The following ITPR2 variants were observed in gnomAD, a reference collection of about 807,000 sequenced individuals.
ITPR2 encodes the protein inositol 1,4,5-trisphosphate receptor type 2, also known as inositol 1,4,5-trisphosphate-gated calcium channel ITPR2.
A neutral mutation model predicts 317.1 loss-of-function variants in ITPR2; 207 were observed. That is an observed-to-expected ratio of 0.65 (90% CI 0.58 to 0.73). ITPR2 has a LOEUF of 0.73. Among genes scored for constraint, ITPR2 ranks in the 30% least tolerant of loss-of-function variants. ITPR2 has a pLI of 0.00. For missense variants in ITPR2, 2,613 were observed against 3,284.0 expected (o/e 0.80, Z 4.99); for synonymous variants, 1,156 against 1,149.1 (o/e 1.01, Z -0.12).
chr12:26,581,216 A>G (rs934493472), intron 32 of ITPR2, among the ~76,000 whole-genome samples: 2 of 152,180 alleles, frequency 1.3e-5, no homozygotes, highest in African/African-American at 2.4e-5. Context: ...ACAAATTCAT[A>G]AAAGAGAACA....
intron 45 of ITPR2, among the ~76,000 whole-genome samples, chr12:26,449,779 G>A (rs964237754): frequency 6.6e-6 from 1 of 152,080 alleles, no homozygotes; most frequent in Non-Finnish European, 1.5e-5. Context: ...AAGGTAATTG[G>A]GAGCCACACT....
At position 26,729,982 on chromosome 12, in the gene ITPR2, G is replaced by A. The variant is rs545906224; in HGVS notation, c.164-4217C>T. On this transcript the variant is annotated intron_variant, in intron 2 of 56. Coordinates refer to ENST00000381340, the MANE Select transcript of ITPR2 (RefSeq NM_002223.4). Reference sequence around the variant, plus strand: ...ATAAAAGTTTTTTAAAAAGGGGAGAGAGAGAAGTTAGGCATGCAACTGGGA... The same window carrying A: ...ATAAAAGTTTTTTAAAAAGGGGAGAAAGAGAAGTTAGGCATGCAACTGGGA... Among the ~76,000 whole-genome samples the A allele has an allele frequency of 3.3e-5, 5 of 152,142 alleles. No individual in the cohort carries two copies. In the South Asian group the frequency reaches 1.0e-3, roughly 32 times the overall value.
At position 26,413,049 on chromosome 12, in the gene ITPR2, G is replaced by C. The variant is rs995817631; in HGVS notation, c.7307-1637C>G. Among the ~76,000 whole-genome samples, 14 of 152,186 alleles carry C rather than the reference G, an allele frequency of 9.2e-5. No homozygotes were observed. In the East Asian group the frequency reaches 2.7e-3, roughly 29 times the overall value. On this transcript the variant is annotated intron_variant, in intron 51 of 56. Transcript: ENST00000381340. ...AGAAACAGAAGGGTGAGAAACAGGA[G>C]GATGGCGCTGAAAATGGGGAAGAGG...
intron 1 of ITPR2, among the ~76,000 whole-genome samples, chr12:26,806,535 T>C (rs1950641708): frequency 6.6e-6 from 1 of 152,212 alleles, no homozygotes; most frequent in South Asian, 2.1e-4. Flanking sequence ...CATTACCTTC[T>C]AGTTGAATCC....
At chr12:26,631,830 A>G (rs1451629816) in intron 22 of ITPR2, 36 bp downstream of exon 22, 1 of 1,584,784 alleles carries the variant, frequency 6.3e-7, no homozygotes, top group Non-Finnish European at 8.7e-7. Context: ...AAGCAAAATT[A>G]CATCTTTGTC....
At position 26,560,670 on chromosome 12, in the gene ITPR2, C is replaced by T. The variant is rs561008018; in HGVS notation, c.4821+1092G>A. 1.1e-3 allele frequency among the ~76,000 whole-genome samples: 164 copies of T among 152,274 alleles called. 2 individuals are homozygous for T. The highest frequency in any genetic ancestry group is 3.2e-4 in the Non-Finnish European group (22 of 68,020). The stretch of plus-strand genomic sequence containing the variant: ...AGTAACTTCTCACTAGTCCCTCTTC[C>T]TCTAGTCTCTTTTAGATAACCCTAT... On this transcript the variant is annotated intron_variant, in intron 35 of 56. Transcript: ENST00000381340.
chr12:26,546,645 T>C (rs764956274), intron 37 of ITPR2, among the ~76,000 whole-genome samples: 5 of 152,150 alleles, frequency 3.3e-5, no homozygotes, highest in Non-Finnish European at 7.4e-5. Flanking sequence ...ATCTAACTTA[T>C]AATATATTGC....
At chr12:26,608,748 C>T (rs900130078) in intron 26 of ITPR2, among the ~76,000 whole-genome samples, 1 of 150,678 alleles carries the variant, frequency 6.6e-6, no homozygotes, top group Non-Finnish European at 1.5e-5. Context: ...CTGCGCTCCC[C>T]AAGTTTGCAT....
In ITPR2 at chr12:26,823,718, G is replaced by T. The variant is rs149207444; in HGVS notation, c.92+8972C>A. Among the ~76,000 whole-genome samples, 200 of 152,250 alleles carry T rather than the reference G, an allele frequency of 1.3e-3. 4 individuals are homozygous for T. In the East Asian group the frequency reaches 0.034, roughly 26 times the overall value. ...TTAACTTATTCTTAATTCAAGGTTGGAAATCTTTGGATAGGTTGGTATAAA... is the reference window on the plus strand; with the variant it reads ...TTAACTTATTCTTAATTCAAGGTTGTAAATCTTTGGATAGGTTGGTATAAA... On this transcript the variant is annotated intron_variant, in intron 1 of 56. Transcript: ENST00000381340.
rs559117786 is a variant in ITPR2, at chr12:26,773,192, C to T, written c.163+16965G>A. ...ATGCTGCTTCTCTAAAGTGTGGTTT[C>T]CACATTTGTAAAACAAGGCTATTCA... On this transcript the variant is annotated intron_variant, in intron 2 of 56. Transcript: ENST00000381340. 4.6e-5 allele frequency among the ~76,000 whole-genome samples: 7 copies of T among 152,292 alleles called. No individual in the cohort carries two copies. In the South Asian group the frequency reaches 1.5e-3, roughly 32 times the overall value.
intron 9 of ITPR2, 42 bp from the exon 10 acceptor site, chr12:26,695,692 A>C: frequency 7.6e-7 from 1 of 1,310,342 alleles, no homozygotes; most frequent in Non-Finnish European, 1.1e-6. Context: ...TTGCTATGAA[A>C]AGCACACTAA....
At chr12:26,628,312 C>T in intron 22 of ITPR2, 150 bp from the exon 23 acceptor site, 2 of 571,762 alleles carry the variant, frequency 3.5e-6, no homozygotes, top group East Asian at 6.1e-5. Flanking sequence ...TGTTTGTCAG[C>T]AATGACTAAG....
chr12:26,469,996 C>A (rs562125903), intron 45 of ITPR2, among the ~76,000 whole-genome samples: 1 of 152,278 alleles, frequency 6.6e-6, no homozygotes, highest in Non-Finnish European at 1.5e-5. Context: ...GGCAAGTCAG[C>A]GGAAGTGAGT....
At chr12:26,354,857 G>C (rs549723427) in intron 55 of ITPR2, among the ~76,000 whole-genome samples, 5 of 152,088 alleles carry the variant, frequency 3.3e-5, no homozygotes, top group African/African-American at 9.7e-5. Flanking sequence ...ATTTTTAGTA[G>C]AGACAGGGTT....
At chr12:26,589,861 CACACACACACACACA>C (rs1945654924) in intron 32 of ITPR2, among the ~76,000 whole-genome samples, 1 of 50,558 alleles carries the variant, frequency 2.0e-5, no homozygotes, top group Non-Finnish European at 5.2e-5. Flanking sequence ...TATACACACA[CACACACACACACACA>C]CACACACACA....
chr12:26,802,680 C>CA lies in ITPR2; in HGVS notation c.93-12454dup, dbSNP rs551175257. ...ATCTATATATACATATCAGAAAAAT[C>CA]AAAAAAAGAGAAAAAAGCTTTATTC... is the stretch of plus-strand genomic sequence containing the variant. On this transcript the variant is annotated intron_variant, in intron 1 of 56. Transcript: ENST00000381340. 3.0e-4 allele frequency among the ~76,000 whole-genome samples: 43 copies of CA among 143,386 alleles called. No homozygotes were observed. The South Asian group carries it at 9.5e-3, about 32-fold the overall frequency. The allele number at this position is 143,386 out of a possible 152,430, so 94.1% of individuals were successfully genotyped here.
intron 13 of ITPR2, among the ~76,000 whole-genome samples, chr12:26,681,322 T>C (rs1948025047): frequency 6.6e-6 from 1 of 152,194 alleles, no homozygotes; most frequent in African/African-American, 2.4e-5. Context: ...CATGCAATAA[T>C]CGTTAGCTGT....
chr12:26,536,864 G>A (rs1486457909), intron 37 of ITPR2, among the ~76,000 whole-genome samples: 1 of 152,198 alleles, frequency 6.6e-6, no homozygotes, highest in Non-Finnish European at 1.5e-5. Context: ...TGATATAGTT[G>A]GAGGGTCTTA....
chr12:26,791,822 G>A (rs996346148), intron 1 of ITPR2, among the ~76,000 whole-genome samples: 6 of 152,136 alleles, frequency 3.9e-5, no homozygotes, highest in Admixed American at 6.5e-5. Flanking sequence ...ATATTACAAC[G>A]TAAGATGTAA....
Sources: gnomAD v4.1 joint callset for allele counts (sites outside exome capture counted in the v4.1 genomes callset) on GRCh38, gnomAD v4.1.1 for gene constraint, MANE v1.5 for transcripts, NCBI Gene and HGNC (gene_info 2026-07-23, HGNC 2026-07-21) for gene names.